Variants in ATXN2 observed in about 807,000 individuals in gnomAD.
ATXN2 encodes the protein ataxin-2.
Under a neutral mutation model 138.6 loss-of-function variants are expected in ATXN2, and 37 were observed. That is an observed-to-expected ratio of 0.27 (90% CI 0.21 to 0.35). ATXN2 has a LOEUF of 0.35. Among genes scored for constraint, ATXN2 ranks in the 10% least tolerant of loss-of-function variants. The probability of loss-of-function intolerance (pLI) is 1.00; values close to 1 mark genes in which losing one functional copy is unlikely to be tolerated. For synonymous variants in ATXN2, 549 were observed against 543.7 expected, an observed-to-expected ratio of 1.01 and a Z score of -0.13; for missense variants, 1,216 against 1,480.3, an observed-to-expected ratio of 0.82 and a Z score of 2.93.
chr12:111,485,809 A>G lies in ATXN2; in HGVS notation c.2361T>C (p.Ser787=). 6.2e-7 allele frequency: 1 copy of G among 1,614,202 alleles called. No homozygotes were observed. ...SPRPQAQPSP[S]MVGHQQPTPV... ...GAGTTGGCTGTTGATGACCCACCATAGATGGGCTAGGTTGTGCTTGAGGCC... is the reference window on the plus strand; with the variant it reads ...GAGTTGGCTGTTGATGACCCACCATGGATGGGCTAGGTTGTGCTTGAGGCC... The change falls in exon 17 of 25, where the codon TCT becomes TCC. Residue 787 remains serine, a synonymous_variant. Coordinates refer to ENST00000673436, the MANE Select transcript of ATXN2 (RefSeq NM_001372574.1).
At chr12:111,597,900 T>G in intron 1 of ATXN2, 1 of 1,284,092 alleles carries the variant, frequency 7.8e-7, no homozygotes, top group Non-Finnish European at 1.0e-6. Flanking sequence ...CCAGCCTGGG[T>G]CCAGCCCTCA....
At chr12:111,495,223 G>T (rs1450549268) in intron 14 of ATXN2, among the ~76,000 whole-genome samples, 1 of 150,086 alleles carries the variant, frequency 6.7e-6, no homozygotes, top group Non-Finnish European at 1.5e-5. Flanking sequence ...CAGGAGAATC[G>T]CTTGAACTCA....
intron 21 of ATXN2, among the ~76,000 whole-genome samples, chr12:111,460,712 C>A (rs1875513803): frequency 6.6e-6 from 1 of 151,872 alleles, no homozygotes; most frequent in Non-Finnish European, 1.5e-5. Context: ...TAATTATGCC[C>A]ATGAAATCTC....
intron 5 of ATXN2, among the ~76,000 whole-genome samples, chr12:111,546,271 C>A (rs1426528672): frequency 6.6e-6 from 1 of 152,166 alleles, no homozygotes; most frequent in Non-Finnish European, 1.5e-5. Flanking sequence ...TTTGATCAGT[C>A]CTAAAAAGCC....
chr12:111,543,049 A>G (rs1881606246), intron 5 of ATXN2, among the ~76,000 whole-genome samples: 1 of 152,132 alleles, frequency 6.6e-6, no homozygotes, highest in African/African-American at 2.4e-5. Flanking sequence ...ACCACGAACT[A>G]TTCTGTTTAG....
rs1879966991 is a variant in ATXN2, at chr12:111,518,307, A to G, written c.1107T>C (p.Thr369=). Residue 369 remains threonine, a synonymous_variant, in exon 9 of 25, where the codon ACT becomes ACC. Coordinates refer to ENST00000673436, the MANE Select transcript of ATXN2 (RefSeq NM_001372574.1). ...TCGGGTTGAAATCTGAAGTGTGAGAAGTGGATCTTGATGGCATGGAGCCCG... is the reference window on the plus strand; with the variant it reads ...TCGGGTTGAAATCTGAAGTGTGAGAGGTGGATCTTGATGGCATGGAGCCCG... The part of the protein sequence containing the change: ...PGSGSMPSRS[T]SHTSDFNPNS... 1 of 1,612,802 alleles carries G rather than the reference A, an allele frequency of 6.2e-7. No homozygotes were observed. The highest frequency in any genetic ancestry group is 1.3e-5 in the African/African-American group (1 of 74,926).
At chr12:111,488,900 T>C in intron 14 of ATXN2, 120 bp from the exon 15 acceptor site, 4 of 861,690 alleles carry the variant, frequency 4.6e-6, no homozygotes, top group Non-Finnish European at 5.2e-6. Context: ...TAAGGCTTTT[T>C]TCATACTTTA....
At chr12:111,472,794 G>A (rs896422866) in intron 18 of ATXN2, among the ~76,000 whole-genome samples, 5 of 151,836 alleles carry the variant, frequency 3.3e-5, no homozygotes, top group African/African-American at 7.3e-5. Context: ...GGCTGGTCTC[G>A]AACTCCAGAC....
chr12:111,582,615 A>T (rs1328079898), intron 1 of ATXN2, among the ~76,000 whole-genome samples: 4 of 152,206 alleles, frequency 2.6e-5, no homozygotes. Context: ...CTCAAAAAAT[A>T]AATACATAAA....
Position 111,598,183 on chromosome 12 carries a change from C to T in ATXN2, c.251+601G>A, listed in dbSNP as rs939330103. On this transcript the variant is annotated intron_variant, in intron 1 of 24. Transcript: ENST00000673436. The surrounding 1 kb of genome is among the most constrained non-coding windows in gnomAD (Gnocchi z 4.5). Reference sequence around the variant, plus strand: ...GCGGGGGCCAAGGCCCACTTGTCTCCACCCCGTCCTCCGATCTTTCCCAGG... The same window carrying T: ...GCGGGGGCCAAGGCCCACTTGTCTCTACCCCGTCCTCCGATCTTTCCCAGG... 1.3e-5 allele frequency: 14 copies of T among 1,062,728 alleles called. No individual in the cohort carries two copies. Among genetic ancestry groups the T allele is most frequent in the Non-Finnish European group, 1.6e-5 (14 of 873,878 alleles). The allele number at this position is 1,062,728 out of a possible 1,614,324, so 65.8% of individuals were successfully genotyped here. A position where few individuals can be genotyped will look rare whatever the true frequency, so the allele number is the denominator to read the frequency against.
chr12:111,536,896 C>T (rs1881214239), intron 5 of ATXN2, among the ~76,000 whole-genome samples: 1 of 149,958 alleles, frequency 6.7e-6, no homozygotes. Flanking sequence ...TGATTCTCTG[C>T]CTCAGCCTCC....
At chr12:111,528,707 C>G (rs1382796687) in intron 5 of ATXN2, among the ~76,000 whole-genome samples, 1 of 152,122 alleles carries the variant, frequency 6.6e-6, no homozygotes, top group Non-Finnish European at 1.5e-5. Flanking sequence ...AAAAGTAGCT[C>G]TTTCTAAAGA....
chr12:111,479,046 T>A lies in ATXN2; in HGVS notation c.2524+6219A>T, dbSNP rs532738162. ...TAAATAAAAAATAAAATAAATTTTT[T>A]AAAAAAATGAAATATGCACTTACCA... On this transcript the variant is annotated intron_variant, in intron 18 of 24. Coordinates refer to ENST00000673436, the MANE Select transcript of ATXN2 (RefSeq NM_001372574.1). 2.9e-4 allele frequency: 110 copies of A among 375,966 alleles called. 1 individual carries two copies. Among genetic ancestry groups the A allele is most frequent in the South Asian group, 3.9e-4 (3 of 7,626 alleles). The allele number at this position is 375,966 out of a possible 1,614,324, so 23.3% of individuals were successfully genotyped here. A position where few individuals can be genotyped will look rare whatever the true frequency, so the allele number is the denominator to read the frequency against.
At position 111,555,934 on chromosome 12, in the gene ATXN2, T is replaced by A. The variant is rs1272783897; in HGVS notation, c.252-15A>T. ...TGTTTCGACCTCTGAAAAGATTAAA[T>A]ATTATTTTTATTAAATTCAACAGGC... On this transcript the variant is annotated splice_polypyrimidine_tract_variant and intron_variant, in intron 1 of 24. Coordinates refer to ENST00000673436, the MANE Select transcript of ATXN2 (RefSeq NM_001372574.1). 6.4e-7 allele frequency: 1 copy of A among 1,564,572 alleles called. No individual in the cohort carries two copies. The highest frequency in any genetic ancestry group is 8.7e-7 in the Non-Finnish European group (1 of 1,150,118).
At chr12:111,455,852 T>G (rs1875048087) in intron 23 of ATXN2, 177 bp downstream of exon 23, 1 of 696,950 alleles carries the variant, frequency 1.4e-6, no homozygotes, top group Non-Finnish European at 2.6e-6. Context: ...ACTGATCCCA[T>G]GACAAAACCA....
chr12:111,542,081 T>G (rs1158523607), intron 5 of ATXN2, among the ~76,000 whole-genome samples: 3 of 150,302 alleles, frequency 2.0e-5, no homozygotes, highest in Non-Finnish European at 4.5e-5. Flanking sequence ...ACTGAATATA[T>G]TATCTTTAGA....
chr12:111,466,084 T>C (rs1278266658), intron 20 of ATXN2, among the ~76,000 whole-genome samples: 1 of 151,416 alleles, frequency 6.6e-6, no homozygotes, highest in African/African-American at 2.4e-5. Context: ...GAGAACTGCT[T>C]GAACCCAGGA....
At chr12:111,515,236 C>A (rs562537500) in intron 10 of ATXN2, among the ~76,000 whole-genome samples, 1 of 152,160 alleles carries the variant, frequency 6.6e-6, no homozygotes, top group African/African-American at 2.4e-5. Context: ...ACATTTTGTG[C>A]GGAAAACTTT....
At position 111,510,776 on chromosome 12, in the gene ATXN2, A is replaced by G. The variant is rs571613563; in HGVS notation, c.1559-194T>C. 23 of 434,626 alleles carry G rather than the reference A, an allele frequency of 5.3e-5. No individual in the cohort carries two copies. The East Asian group carries it at 7.6e-4, about 14-fold the overall frequency. 26.9% of individuals were successfully genotyped at this position (434,626 alleles called of 1,614,324 possible). A position where few individuals can be genotyped will look rare whatever the true frequency, so the allele number is the denominator to read the frequency against. Reference sequence around the variant, plus strand: ...TCAAAACCACAAGTATATGAAGAACAGCAGCAATTACTAACATAAGTATGA... The same window carrying G: ...TCAAAACCACAAGTATATGAAGAACGGCAGCAATTACTAACATAAGTATGA... On this transcript the variant is annotated intron_variant, in intron 11 of 24. Coordinates refer to ENST00000673436, the MANE Select transcript of ATXN2 (RefSeq NM_001372574.1).
Sources: gnomAD v4.1 joint callset for allele counts (sites outside exome capture counted in the v4.1 genomes callset) on GRCh38, gnomAD v4.1.1 for gene constraint, Gnocchi (gnomAD v3.1) non-coding constraint, MANE v1.5 for transcripts, NCBI Gene and HGNC (gene_info 2026-07-23, HGNC 2026-07-21) for gene names.